SNTG1: variants seen among roughly 807,000 people sequenced by gnomAD.
The protein encoded by SNTG1 is syntrophin gamma 1.
In SNTG1, 39 loss-of-function variants were observed where a neutral mutation model predicts 74.7. The observed-to-expected ratio is 0.52, with a 90% CI of 0.40 to 0.68. The LOEUF (loss-of-function observed/expected upper bound fraction) is 0.68. SNTG1 is among the 30% of genes least tolerant of loss of function. SNTG1 has a pLI of 0.00. For synonymous variants in SNTG1, 254 were observed against 217.1 expected (o/e 1.17, Z -1.49); for missense variants, 685 against 609.5 (o/e 1.12, Z -1.30).
chr8:50,560,837 C>T (rs1207893900), intron 12 of SNTG1, among the ~76,000 whole-genome samples: 3 of 152,018 alleles, frequency 2.0e-5, no homozygotes, highest in Non-Finnish European at 4.4e-5. Flanking sequence ...TGTAACAAAC[C>T]TGCACATCCT....
intron 15 of SNTG1, among the ~76,000 whole-genome samples, chr8:50,684,441 T>G (rs997666345): frequency 6.6e-6 from 1 of 152,200 alleles, no homozygotes; most frequent in African/African-American, 2.4e-5. Flanking sequence ...GTTTGTTTGC[T>G]TTTCTGGTTC....
At chr8:50,692,503 G>A (rs191365983) in intron 15 of SNTG1, among the ~76,000 whole-genome samples, 9 of 152,140 alleles carry the variant, frequency 5.9e-5, no homozygotes, top group African/African-American at 1.9e-4. Context: ...GTTGGAGTTT[G>A]CTGGAGGTCC....
At chr8:50,603,324 C>T (rs1210625356) in intron 13 of SNTG1, among the ~76,000 whole-genome samples, 1 of 152,168 alleles carries the variant, frequency 6.6e-6, no homozygotes. Context: ...AGGTCAGTTG[C>T]ATTTTTCAAC....
intron 9 of SNTG1, among the ~76,000 whole-genome samples, chr8:50,518,922 GA>G (rs2094156532): frequency 6.6e-6 from 1 of 152,006 alleles, no homozygotes; most frequent in Non-Finnish European, 1.5e-5. Context: ...CCAAACCATT[GA>G]AAAAGAGGGA....
intron 8 of SNTG1, among the ~76,000 whole-genome samples, chr8:50,500,632 AT>A (rs1019140959): frequency 5.9e-5 from 9 of 152,074 alleles, no homozygotes; most frequent in African/African-American, 2.2e-4. Context: ...TGTTTATTAT[AT>A]TAGGTGACTC....
chr8:50,103,497 C>T (rs1273791920), intron 1 of SNTG1, among the ~76,000 whole-genome samples: 1 of 152,174 alleles, frequency 6.6e-6, no homozygotes, highest in Middle Eastern at 3.2e-3. Context: ...ACAATCATGT[C>T]ATCTGCAAAC....
At chr8:50,626,883 C>A (rs1267754101) in intron 13 of SNTG1, among the ~76,000 whole-genome samples, 1 of 152,044 alleles carries the variant, frequency 6.6e-6, no homozygotes, top group East Asian at 1.9e-4. Flanking sequence ...CTGGAAAGGG[C>A]AAATTCTTTT....
intron 8 of SNTG1, among the ~76,000 whole-genome samples, chr8:50,455,175 G>C (rs2093493599): frequency 6.6e-6 from 1 of 152,118 alleles, no homozygotes; most frequent in Non-Finnish European, 1.5e-5. Flanking sequence ...AAGCATCCTG[G>C]TTCTAATAGG....
chr8:50,693,501 A>G (rs964420209), intron 15 of SNTG1, among the ~76,000 whole-genome samples: 2 of 152,198 alleles, frequency 1.3e-5, no homozygotes, highest in African/African-American at 2.4e-5. Context: ...AGGACCTGAA[A>G]AGAGAAATGA....
intron 2 of SNTG1, among the ~76,000 whole-genome samples, chr8:50,270,353 A>G (rs2087715523): frequency 6.6e-6 from 1 of 152,214 alleles, no homozygotes; most frequent in African/African-American, 2.4e-5. Context: ...AGATATAGAA[A>G]GAAAAAGAAA....
Position 50,471,775 on chromosome 8 carries a change from A to G in SNTG1, c.363+21046A>G, listed in dbSNP as rs79756357. On this transcript the variant is annotated intron_variant, in intron 8 of 18. Coordinates refer to ENST00000642720, the MANE Select transcript of SNTG1 (RefSeq NM_018967.5). ...GTAAAATGAAATACTATTTTGGAATAAAAAGAACACAGACTACATGACCCT... is the reference window on the plus strand; with the variant it reads ...GTAAAATGAAATACTATTTTGGAATGAAAAGAACACAGACTACATGACCCT... Among the ~76,000 whole-genome samples the G allele has an allele frequency of 2.2e-3, 330 of 152,344 alleles. 5 individuals are homozygous for G. In the East Asian group the frequency reaches 0.058, roughly 27 times the overall value.
At chr8:50,037,851 T>C (rs1324582253) in intron 1 of SNTG1, among the ~76,000 whole-genome samples, 1 of 152,224 alleles carries the variant, frequency 6.6e-6, no homozygotes, top group Non-Finnish European at 1.5e-5. Context: ...AATCTCCCTT[T>C]AGAAACTGAT....
At chr8:50,745,129 G>A (rs1437204453) in intron 17 of SNTG1, among the ~76,000 whole-genome samples, 1 of 151,972 alleles carries the variant, frequency 6.6e-6, no homozygotes, top group African/African-American at 2.4e-5. Context: ...CAGAATGGAA[G>A]AATGTATTTG....
At chr8:50,205,776 T>A (rs2084201416) in intron 2 of SNTG1, among the ~76,000 whole-genome samples, 1 of 152,226 alleles carries the variant, frequency 6.6e-6, no homozygotes, top group Non-Finnish European at 1.5e-5. Flanking sequence ...ACTTACAGCT[T>A]TCTACATATG....
At chr8:50,018,352 C>T (rs1403831950) in intron 1 of SNTG1, among the ~76,000 whole-genome samples, 1 of 151,984 alleles carries the variant, frequency 6.6e-6, no homozygotes, top group African/African-American at 2.4e-5. Flanking sequence ...TACATTTACA[C>T]TCAACTAATT....
At chr8:50,523,348 T>C (rs1031697142) in intron 9 of SNTG1, among the ~76,000 whole-genome samples, 2 of 152,244 alleles carry the variant, frequency 1.3e-5, no homozygotes, top group African/African-American at 4.8e-5. Flanking sequence ...CTTGGCTAAC[T>C]GGCAGAAGAG....
chr8:50,006,514 T>C (rs181949815), intron 1 of SNTG1, among the ~76,000 whole-genome samples: 18 of 152,364 alleles, frequency 1.2e-4, no homozygotes, highest in Admixed American at 5.9e-4. Flanking sequence ...TGGCTTATTA[T>C]GTTTCAAGGC....
At chr8:50,075,322 G>A (rs905126661) in intron 1 of SNTG1, among the ~76,000 whole-genome samples, 2 of 152,214 alleles carry the variant, frequency 1.3e-5, no homozygotes. Context: ...AGGCTCCTGA[G>A]TCGGGAGGAG....
chr8:50,288,454 A>G (rs551110311), intron 2 of SNTG1, among the ~76,000 whole-genome samples: 1 of 152,324 alleles, frequency 6.6e-6, no homozygotes, highest in South Asian at 2.1e-4. Context: ...GACATCTACT[A>G]TATTGAGAAA....
Sources: gnomAD v4.1 joint callset for allele counts (sites outside exome capture counted in the v4.1 genomes callset) on GRCh38, gnomAD v4.1.1 for gene constraint, MANE v1.5 for transcripts, NCBI Gene and HGNC (gene_info 2026-07-23, HGNC 2026-07-21) for gene names.